Variants in ODAD3 observed in about 807,000 individuals in gnomAD.
ODAD3 encodes outer dynein arm docking complex subunit 3, also known as outer dynein arm-docking complex subunit 3.
ODAD3 carries 57 observed loss-of-function variants against 70.9 expected under a neutral mutation model. The ratio of observed to expected loss-of-function variants is 0.80; its 90% CI spans 0.65 to 1.00. The LOEUF (loss-of-function observed/expected upper bound fraction) is 1.00, where lower values mean the gene tolerates loss of function less well. Among genes scored for constraint, ODAD3 ranks in the 50% least tolerant of loss-of-function variants. The probability of loss-of-function intolerance (pLI) is 0.00; values close to 1 mark genes in which losing one functional copy is unlikely to be tolerated. For missense variants in ODAD3, 797 were observed against 763.9 expected (o/e 1.04, Z -0.51); for synonymous variants, 327 against 315.9 (o/e 1.04, Z -0.37).
intron 7 of ODAD3, among the ~76,000 whole-genome samples, chr19:11,424,497 A>ATATATATGTATATATGTATATATG (rs1254237611): frequency 7.0e-6 from 1 of 142,178 alleles, no homozygotes. Context: ...AAAAATCCAT[A>ATATATATGTATATATGTATATATG]TATATATGTA....
At chr19:11,427,822 T>C (rs1358279569) in intron 3 of ODAD3, among the ~76,000 whole-genome samples, 1 of 147,432 alleles carries the variant, frequency 6.8e-6, no homozygotes, top group Non-Finnish European at 1.5e-5. Flanking sequence ...TGTTTTAGGC[T>C]GGGCGCGGTG....
chr19:11,425,089 A>C (rs189643400), intron 7 of ODAD3, among the ~76,000 whole-genome samples: 15 of 132,798 alleles, frequency 1.1e-4, no homozygotes, highest in East Asian at 4.8e-4. Flanking sequence ...GTATATGTAC[A>C]TATGTGTATA....
rs370953604 is a variant in ODAD3 at position 11,422,958 on chromosome 19, A to G, written c.1117-97T>C. 10 of 1,399,678 alleles carry G rather than the reference A, an allele frequency of 7.1e-6. No individual in the cohort carries two copies. In the East Asian group the frequency reaches 2.4e-4, roughly 33 times the overall value. The allele number at this position is 1,399,678 out of a possible 1,614,324, so 86.7% of individuals were successfully genotyped here. A position where few individuals can be genotyped will look rare whatever the true frequency, so the allele number is the denominator to read the frequency against. Reference sequence around the variant, plus strand: ...CCCTGCGAACCCTCGCACGCAGGACAGGTGGCCTGAGCTGGCGCCTTTTGC... The same window carrying G: ...CCCTGCGAACCCTCGCACGCAGGACGGGTGGCCTGAGCTGGCGCCTTTTGC... On this transcript the variant is annotated intron_variant, in intron 8 of 12. Transcript: ENST00000356392. This position sits in a 1 kb window ranked among gnomAD's most constrained non-coding sequence, Gnocchi z 4.6.
chr19:11,423,886 G>C lies in ODAD3; in HGVS notation c.1107C>G (p.Asp369Glu), dbSNP rs751506622. Residue 369 changes from aspartate to glutamate, a missense_variant, in exon 8 of 13, where the codon GAC becomes GAG. Physicochemically the swap from Asp to Glu is conservative, Grantham distance 45. Transcript: ENST00000356392. ...FGKVKDATGT[D>E]ETHSLVRRFL... Reference sequence around the variant, plus strand: ...TGCGGGCAGAACTCACGTGCGTCTCGTCAGTGCCAGTGGCGTCCTTGACCT... The same window carrying C: ...TGCGGGCAGAACTCACGTGCGTCTCCTCAGTGCCAGTGGCGTCCTTGACCT... 5 of 1,611,068 alleles carry C rather than the reference G, an allele frequency of 3.1e-6. No homozygotes were observed. In the Admixed American group the frequency reaches 5.0e-5, roughly 16 times the overall value.
intron 3 of ODAD3, among the ~76,000 whole-genome samples, chr19:11,428,234 C>G (rs1051154738): frequency 6.6e-6 from 1 of 151,746 alleles, no homozygotes; most frequent in Non-Finnish European, 1.5e-5. Context: ...CTGCACCCAG[C>G]CCAGTTTTGT....
chr19:11,428,117 A>C, intron 3 of ODAD3, among the ~76,000 whole-genome samples: 1 of 151,444 alleles, frequency 6.6e-6, no homozygotes, highest in Admixed American at 6.6e-5. Context: ...AAAAAAAATT[A>C]TAGAGGCAGG....
At chr19:11,434,623 G>C in intron 1 of ODAD3, 150 bp downstream of exon 1, 1 of 934,690 alleles carries the variant, frequency 1.1e-6, no homozygotes, top group Non-Finnish European at 1.6e-6. Context: ...AGTTTTAAGA[G>C]ACAGAGAAGG....
chr19:11,435,441 G>A (rs1338507100), upstream of ODAD3: 1 of 362,170 alleles, frequency 2.8e-6, no homozygotes, highest in Admixed American at 4.0e-5. Flanking sequence ...TCCCAAGATG[G>A]AGGTACGCTG....
chr19:11,434,689 C>G, intron 1 of ODAD3, 84 bp downstream of exon 1: 1 of 1,502,954 alleles, frequency 6.7e-7, no homozygotes, highest in Admixed American at 2.1e-5. Flanking sequence ...TAGACTCATG[C>G]TGGAGAAATA....
chr19:11,421,843 G>A lies in ODAD3; in HGVS notation c.1435-11C>T. ...GAAGCGGCCGTCCTCCTGCGGCCAG[G>A]GTAGAGCCGGGTCAGCCGAGAGGGG... On this transcript the variant is annotated splice_polypyrimidine_tract_variant and intron_variant, in intron 10 of 12. Transcript: ENST00000356392. 6.2e-7 allele frequency: 1 copy of A among 1,609,216 alleles called. No individual in the cohort carries two copies. The highest frequency in any genetic ancestry group is 8.5e-7 in the Non-Finnish European group (1 of 1,177,824).
At position 11,425,421 on chromosome 19, in the gene ODAD3, A is replaced by G. The variant is rs532190319; in HGVS notation, c.963+723T>C. 1.3e-4 allele frequency among the ~76,000 whole-genome samples: 19 copies of G among 143,358 alleles called. 3 individuals are homozygous for G. The highest frequency in any genetic ancestry group is 8.3e-4 in the East Asian group (4 of 4,848). The allele number at this position is 143,358 out of a possible 152,430, so 94.0% of individuals were successfully genotyped here. A position where few individuals can be genotyped will look rare whatever the true frequency, so the allele number is the denominator to read the frequency against. ...TATATGTATATATACATATATGTGT[A>G]TATACACATATGTGTATATGTATAT... On this transcript the variant is annotated intron_variant, in intron 7 of 12. Coordinates refer to ENST00000356392, the MANE Select transcript of ODAD3 (RefSeq NM_145045.5).
rs1199476325 is a variant in ODAD3, at chr19:11,422,104, G to C, written c.1435-272C>G. Among the ~76,000 whole-genome samples, 1 of 152,234 alleles carries C rather than the reference G, an allele frequency of 6.6e-6. No individual in the cohort carries two copies. Among genetic ancestry groups the C allele is most frequent in the Non-Finnish European group, 1.5e-5 (1 of 68,022 alleles). On this transcript the variant is annotated intron_variant, in intron 10 of 12. Transcript: ENST00000356392. The surrounding 1 kb of genome is among the most constrained non-coding windows in gnomAD (Gnocchi z 4.6). ...GGCCATTGTGGGATGGCCTCCTGAAGAAATGGCCCTCTGCTGCGGGCAGGA... is the reference window on the plus strand; with the variant it reads ...GGCCATTGTGGGATGGCCTCCTGAACAAATGGCCCTCTGCTGCGGGCAGGA...
At chr19:11,429,086 C>G (rs1467105843) in intron 3 of ODAD3, among the ~76,000 whole-genome samples, 1 of 149,332 alleles carries the variant, frequency 6.7e-6, no homozygotes, top group African/African-American at 2.5e-5. Flanking sequence ...GCCATGTTGG[C>G]CAGGCTGGTC....
At chr19:11,435,188 T>C, upstream of ODAD3, 2 of 1,428,164 alleles carry the variant, frequency 1.4e-6, no homozygotes, top group Admixed American at 2.9e-5. Context: ...TCCCCGTCTC[T>C]CTCCACTGTT....
At chr19:11,431,892 G>A (rs1403973960) in intron 1 of ODAD3, among the ~76,000 whole-genome samples, 3 of 146,172 alleles carry the variant, frequency 2.1e-5, no homozygotes, top group African/African-American at 5.1e-5. Flanking sequence ...GCAGTGAGCC[G>A]AGATCGCACC....
intron 3 of ODAD3, among the ~76,000 whole-genome samples, chr19:11,429,325 C>A (rs550074867): frequency 8.0e-4 from 121 of 152,180 alleles, no homozygotes; most frequent in Non-Finnish European, 1.2e-3. Flanking sequence ...TGTTCTCCTG[C>A]CTCAGACTCC....
At position 11,424,003 on chromosome 19, in the gene ODAD3, C is replaced by G; in HGVS notation, c.990G>C (p.Gln330His). Residue 330 changes from glutamine to histidine, a missense_variant, in exon 8 of 13, where the codon CAG becomes CAC. By Grantham distance (24) the Gln-to-His change is conservative. Coordinates refer to ENST00000356392, the MANE Select transcript of ODAD3 (RefSeq NM_145045.5). ...RKTHREHLLL[Q>H]SDDTIQDSLH... ...GGCTGTCCTGGATGGTGTCGTCGGA[C>G]TGTAGCAGCAGGTGCTCGCGGTGGG... The G allele has an allele frequency of 6.2e-7, 1 of 1,611,652 alleles. No individual in the cohort carries two copies. Among genetic ancestry groups the G allele is most frequent in the Non-Finnish European group, 8.5e-7 (1 of 1,179,880 alleles).
Position 11,430,555 on chromosome 19 carries a change from A to G in ODAD3, c.444+144T>C, listed in dbSNP as rs916352592. ...CCATGCCAGGATGCCAGATACAAGG[A>G]AAGTGAGTAATAAAGATTTAATTGA... On this transcript the variant is annotated intron_variant, in intron 3 of 12. Transcript: ENST00000356392. 1.1e-4 allele frequency: 85 copies of G among 791,290 alleles called. No homozygotes were observed. The African/African-American group carries it at 1.3e-3, about 13-fold the overall frequency. 49.0% of individuals were successfully genotyped at this position (791,290 alleles called of 1,614,324 possible).
chr19:11,432,310 G>A (rs1196559245), intron 1 of ODAD3, among the ~76,000 whole-genome samples: 1 of 152,122 alleles, frequency 6.6e-6, no homozygotes, highest in Non-Finnish European at 1.5e-5. Flanking sequence ...GTGCAGTGGT[G>A]CTATCACTGC....
Sources: allele counts gnomAD v4.1 joint callset (sites outside exome capture counted in the v4.1 genomes callset), GRCh38; gene constraint gnomAD v4.1.1; non-coding constraint Gnocchi (gnomAD v3.1); transcripts MANE v1.5; gene names NCBI Gene and HGNC (gene_info 2026-07-23, HGNC 2026-07-21).